RCOR1: variants seen among roughly 807,000 people sequenced by gnomAD.
RCOR1 encodes REST corepressor 1, also known as REST corepressor.
RCOR1 carries 12 observed loss-of-function variants against 64.0 expected under a neutral mutation model. The ratio of observed to expected loss-of-function variants is 0.19; its 90% confidence interval spans 0.12 to 0.30. RCOR1 has a LOEUF of 0.30. RCOR1 is among the 10% of genes least tolerant of loss of function. RCOR1 has a pLI of 1.00. For missense variants in RCOR1, 502 were observed against 621.2 expected, an observed-to-expected ratio of 0.81 and a Z score of 2.04; for synonymous variants, 279 against 227.2, an observed-to-expected ratio of 1.23 and a Z score of -2.05.
Position 102,727,388 on chromosome 14 carries a change from C to G in RCOR1, c.*882C>G, listed in dbSNP as rs541152439. 6.7e-6 allele frequency: 1 copy of G among 149,396 alleles called. No homozygotes were observed. The highest frequency in any genetic ancestry group is 2.1e-4 in the South Asian group (1 of 4,676). 9.3% of individuals were successfully genotyped at this position (149,396 alleles called of 1,614,324 possible). A position where few individuals can be genotyped will look rare whatever the true frequency, so the allele number is the denominator to read the frequency against. ...CCTTTTGGCAACCATGGTTATCAAT[C>G]CTTTTTCTGTTTTAGTGTCTTATTT... On this transcript the variant is annotated 3_prime_UTR_variant, in exon 12 of 12. Coordinates refer to ENST00000262241, the MANE Select transcript of RCOR1 (RefSeq NM_015156.4).
intron 2 of RCOR1, chr14:102,649,838 A>G: frequency 1.1e-6 from 1 of 940,464 alleles, no homozygotes; most frequent in Non-Finnish European, 1.3e-6. Flanking sequence ...GATCCTCAAG[A>G]AAATGAATTG....
Position 102,667,197 on chromosome 14 carries a change from T to G in RCOR1, c.362-14698T>G, listed in dbSNP as rs912140953. 4.6e-5 allele frequency among the ~76,000 whole-genome samples: 7 copies of G among 151,976 alleles called. No homozygotes were observed. In the South Asian group the frequency reaches 1.2e-3, roughly 27 times the overall value. Reference sequence around the variant, plus strand: ...CCTGGACAAACAGGGCAAGACCTTGTTTCTTAAAAAAATAAAGAATGGGCT... The same window carrying G: ...CCTGGACAAACAGGGCAAGACCTTGGTTCTTAAAAAAATAAAGAATGGGCT... On this transcript the variant is annotated intron_variant, in intron 2 of 11. Coordinates refer to ENST00000262241, the MANE Select transcript of RCOR1 (RefSeq NM_015156.4).
At chr14:102,720,770 G>A (rs1194464453) in intron 8 of RCOR1, among the ~76,000 whole-genome samples, 14 of 152,172 alleles carry the variant, frequency 9.2e-5, no homozygotes, top group Admixed American at 7.9e-4. Context: ...GACTGTGTAC[G>A]TGAGAGCCCT....
chr14:102,652,474 C>G (rs1008463997), intron 2 of RCOR1, among the ~76,000 whole-genome samples: 6 of 146,358 alleles, frequency 4.1e-5, no homozygotes, highest in African/African-American at 1.5e-4. Context: ...ATTCTGTGTC[C>G]TCAAACGCCC....
chr14:102,707,323 T>A (rs2139983827), intron 4 of RCOR1, 28 bp from the exon 5 acceptor site: 1 of 1,553,104 alleles, frequency 6.4e-7, no homozygotes, highest in Non-Finnish European at 8.7e-7. Context: ...TTGTTTGATC[T>A]AAAATTTTAC....
chr14:102,711,964 C>T (rs967134540), intron 7 of RCOR1, among the ~76,000 whole-genome samples: 7 of 151,782 alleles, frequency 4.6e-5, no homozygotes, highest in Admixed American at 3.3e-4. Context: ...ATAATGGAAG[C>T]TTTGTAATTT....
At chr14:102,596,874 C>A (rs1458723910) in intron 2 of RCOR1, among the ~76,000 whole-genome samples, 1 of 127,432 alleles carries the variant, frequency 7.8e-6, no homozygotes, top group Non-Finnish European at 1.6e-5. Context: ...CCTCCCCCCG[C>A]CTTTTTTTTT....
At chr14:102,683,418 TC>T (rs1443483383) in intron 3 of RCOR1, among the ~76,000 whole-genome samples, 1 of 151,936 alleles carries the variant, frequency 6.6e-6, no homozygotes, top group Non-Finnish European at 1.5e-5. Flanking sequence ...AAAAACAGAC[TC>T]CCGAGCCACG....
chr14:102,698,966 T>C (rs150500238), intron 3 of RCOR1, among the ~76,000 whole-genome samples: 351 of 152,236 alleles, frequency 2.3e-3, no homozygotes, highest in African/African-American at 8.1e-3. Flanking sequence ...TCACCAAGGC[T>C]GGAGTTCAGT....
chr14:102,609,049 T>A (rs1270030994), intron 2 of RCOR1, among the ~76,000 whole-genome samples: 130 of 141,548 alleles, frequency 9.2e-4, no homozygotes, highest in East Asian at 2.7e-3. Flanking sequence ...TTTTTTTTTT[T>A]AAATTTTTAT....
chr14:102,631,451 C>T (rs958724790), intron 2 of RCOR1, among the ~76,000 whole-genome samples: 9 of 152,066 alleles, frequency 5.9e-5, no homozygotes, highest in Non-Finnish European at 1.0e-4. Flanking sequence ...GATCCGCCTG[C>T]CTTGGCCTCC....
chr14:102,679,786 G>C (rs1298766198), intron 2 of RCOR1, among the ~76,000 whole-genome samples: 1 of 152,078 alleles, frequency 6.6e-6, no homozygotes, highest in Non-Finnish European at 1.5e-5. Flanking sequence ...CCTTTTCTCT[G>C]TCTTTATGCC....
chr14:102,654,786 G>GT (rs570052553), intron 2 of RCOR1, among the ~76,000 whole-genome samples: 3,994 of 118,318 alleles, frequency 0.034, 96 homozygotes, highest in African/African-American at 0.062. Flanking sequence ...CTGTGGTTGA[G>GT]TTTTTTTTTT....
chr14:102,674,976 A>G (rs1456476386), intron 2 of RCOR1, among the ~76,000 whole-genome samples: 2 of 143,968 alleles, frequency 1.4e-5, no homozygotes, highest in Non-Finnish European at 3.0e-5. Flanking sequence ...AATGACATGA[A>G]CCCGGGAGGC....
intron 2 of RCOR1, among the ~76,000 whole-genome samples, chr14:102,633,262 A>C (rs1894165591): frequency 6.6e-6 from 1 of 152,150 alleles, no homozygotes; most frequent in African/African-American, 2.4e-5. Flanking sequence ...CGAAAGTACA[A>C]TTGGGAAGAT....
intron 2 of RCOR1, chr14:102,659,043 G>A: frequency 2.5e-6 from 2 of 806,518 alleles, no homozygotes; most frequent in South Asian, 1.1e-4. Flanking sequence ...ATCTCCTAGA[G>A]GGGAGTGGGG....
At chr14:102,621,608 A>G (rs1443617440) in intron 2 of RCOR1, among the ~76,000 whole-genome samples, 2 of 151,986 alleles carry the variant, frequency 1.3e-5, no homozygotes, top group African/African-American at 4.8e-5. Flanking sequence ...CTGTAAATTT[A>G]CATATATTTT....
intron 4 of RCOR1, among the ~76,000 whole-genome samples, chr14:102,702,031 C>A (rs901603405): frequency 1.3e-5 from 2 of 152,172 alleles, no homozygotes; most frequent in African/African-American, 2.4e-5. Context: ...TATTTTTCTG[C>A]AAAAGTGTGG....
At chr14:102,625,787 C>T (rs1023293476) in intron 2 of RCOR1, among the ~76,000 whole-genome samples, 2 of 152,078 alleles carry the variant, frequency 1.3e-5, no homozygotes, top group Non-Finnish European at 2.9e-5. Context: ...TAGTTTCTAC[C>T]TTTCTGTTAC....
Sources: gnomAD v4.1 joint callset for allele counts (sites outside exome capture counted in the v4.1 genomes callset) on GRCh38, gnomAD v4.1.1 for gene constraint, MANE v1.5 for transcripts, NCBI Gene and HGNC (gene_info 2026-07-23, HGNC 2026-07-21) for gene names.